Variants in NFKB1 observed in about 807,000 individuals in gnomAD.
The protein encoded by NFKB1 is nuclear factor NF-kappa-B p105 subunit.
In NFKB1, 9 loss-of-function variants were observed where a neutral mutation model predicts 105.1. That is an observed-to-expected ratio of 0.09 (90% CI 0.05 to 0.15). The LOEUF is 0.15. NFKB1 is among the 10% of genes least tolerant of loss of function. The probability of loss-of-function intolerance (pLI) is 1.00; values close to 1 mark genes in which losing one functional copy is unlikely to be tolerated. For synonymous variants in NFKB1, 440 were observed against 442.2 expected (o/e 1.00, Z 0.06); for missense variants, 830 against 1,203.7 (o/e 0.69, Z 4.59).
At chr4:102,533,729 AT>A (rs1741452314) in intron 3 of NFKB1, 115 bp from the exon 4 acceptor site, 2 of 843,042 alleles carry the variant, frequency 2.4e-6, no homozygotes. Flanking sequence ...CCAAAAATTG[AT>A]TTGAAATTTC....
intron 11 of NFKB1, among the ~76,000 whole-genome samples, chr4:102,587,150 G>A (rs919205031): frequency 5.3e-5 from 8 of 152,124 alleles, no homozygotes; most frequent in Admixed American, 3.3e-4. Flanking sequence ...CTGCCAGCTC[G>A]GCCTTCCGAG....
At chr4:102,607,896 A>T in intron 19 of NFKB1, 145 bp downstream of exon 19, 1 of 701,590 alleles carries the variant, frequency 1.4e-6, no homozygotes, top group Non-Finnish European at 2.5e-6. Context: ...GGCAAATCAC[A>T]TTTTATCTGC....
At chr4:102,579,125 G>T in intron 8 of NFKB1, 86 bp downstream of exon 8, 2 of 1,384,438 alleles carry the variant, frequency 1.4e-6, no homozygotes, top group Non-Finnish European at 9.9e-7. Flanking sequence ...GAGTCCTGGG[G>T]AAGGTAACTT....
At chr4:102,596,054 C>G in intron 13 of NFKB1, 84 bp from the exon 14 acceptor site, 1 of 889,012 alleles carries the variant, frequency 1.1e-6, no homozygotes, top group Non-Finnish European at 1.6e-6. Flanking sequence ...TGTCTCTTAC[C>G]TTTATCTGAC....
chr4:102,511,551 C>T (rs1018631943), intron 1 of NFKB1, among the ~76,000 whole-genome samples: 1 of 152,116 alleles, frequency 6.6e-6, no homozygotes, highest in Non-Finnish European at 1.5e-5. Context: ...TGGCACATGC[C>T]TGTGGTCCCA....
At chr4:102,563,745 T>G (rs1723621599) in intron 5 of NFKB1, among the ~76,000 whole-genome samples, 1 of 152,004 alleles carries the variant, frequency 6.6e-6, no homozygotes, top group Non-Finnish European at 1.5e-5. Flanking sequence ...GTCCATGCTC[T>G]TACAGTGTCC....
Position 102,593,413 on chromosome 4 carries a change from C to T in NFKB1, c.1067-12C>T. The T allele has an allele frequency of 6.2e-7, 1 of 1,604,208 alleles. No individual in the cohort carries two copies. On this transcript the variant is annotated splice_polypyrimidine_tract_variant and intron_variant, in intron 11 of 23. Coordinates refer to ENST00000226574, the MANE Select transcript of NFKB1 (RefSeq NM_003998.4). The stretch of plus-strand genomic sequence containing the variant: ...ATCTTTTCTCCTCTGGTTTCTCTTC[C>T]TTTAAATACAGATAAAGAAGAAGTG...
rs1233818072 is a variant in NFKB1 at position 102,576,949 on chromosome 4, G to A, written c.481G>A (p.Ala161Thr). The change falls in exon 7 of 24, where the codon GCG (alanine) becomes ACG (threonine). Residue 161 changes from alanine to threonine, a missense_variant. By Grantham distance (58) the Ala-to-Thr change is moderately conservative (BLOSUM62 0). Around this residue, in one of 8 missense-constraint regions of NFKB1, gnomAD observed 80 missense variants for 122.6 expected, o/e 0.65. Coordinates refer to ENST00000226574, the MANE Select transcript of NFKB1 (RefSeq NM_003998.4). ...FETLEARMTE[A>T]CIRGYNPGLL... ...AACACTGGAAGCACGAATGACAGAG[G>A]CGTGTATAAGGGGCTATAATCCTGG... 3 of 1,613,802 alleles carry A rather than the reference G, an allele frequency of 1.9e-6. No individual in the cohort carries two copies. Among genetic ancestry groups the A allele is most frequent in the Admixed American group, 1.7e-5 (1 of 59,988 alleles).
intron 17 of NFKB1, 124 bp downstream of exon 17, chr4:102,606,821 A>G (rs1727792166): frequency 2.9e-6 from 3 of 1,045,820 alleles, no homozygotes; most frequent in Non-Finnish European, 4.2e-6. Context: ...CCTGGAGTTC[A>G]TCATCTCTTT....
chr4:102,597,713 G>C (rs772450410), intron 15 of NFKB1, 52 bp downstream of exon 15: 1 of 1,580,030 alleles, frequency 6.3e-7, no homozygotes, highest in African/African-American at 1.3e-5. Flanking sequence ...AAGAAGAAGA[G>C]CATCGTATAA....
At chr4:102,554,356 G>GA (rs555553900) in intron 5 of NFKB1, among the ~76,000 whole-genome samples, 1 of 152,108 alleles carries the variant, frequency 6.6e-6, no homozygotes, top group African/African-American at 2.4e-5. Flanking sequence ...CCACATTTGG[G>GA]AAAAGATGTG....
In NFKB1 at chr4:102,515,104, A is replaced by ATTTTTTTTT. The variant is rs761237095; in HGVS notation, c.-7-10406_-7-10405insTTTTTTTTT. Reference sequence around the variant, plus strand: ...AGTTCCATGTAATATTATTATTATTATTATTTTTTTTTTTTTTTTTTTTTG... The same window carrying ATTTTTTTTT: ...AGTTCCATGTAATATTATTATTATTATTTTTTTTTTTATTTTTTTTTTTTTTTTTTTTTG... On this transcript the variant is annotated intron_variant, in intron 1 of 23. Transcript: ENST00000226574. Among the ~76,000 whole-genome samples the ATTTTTTTTT allele has an allele frequency of 1.7e-3, 194 of 113,374 alleles. 8 individuals are homozygous for ATTTTTTTTT. The highest frequency in any genetic ancestry group is 2.6e-3 in the African/African-American group (78 of 29,952). 74.4% of individuals were successfully genotyped at this position (113,374 alleles called of 152,430 possible).
chr4:102,531,516 A>AT (rs1560647103), intron 3 of NFKB1, among the ~76,000 whole-genome samples: 1 of 152,110 alleles, frequency 6.6e-6, no homozygotes, highest in Non-Finnish European at 1.5e-5. Flanking sequence ...AGTCTTCTAG[A>AT]TTTTTTGAAA....
At chr4:102,555,344 T>A (rs1342411211) in intron 5 of NFKB1, among the ~76,000 whole-genome samples, 1 of 152,150 alleles carries the variant, frequency 6.6e-6, no homozygotes, top group Non-Finnish European at 1.5e-5. Context: ...CAAATATTGA[T>A]TAAGTAGGTA....
intron 16 of NFKB1, among the ~76,000 whole-genome samples, chr4:102,606,159 CTT>C (rs1727700742): frequency 1.3e-5 from 2 of 152,164 alleles, no homozygotes; most frequent in Non-Finnish European, 2.9e-5. Context: ...GGATTTGTAA[CTT>C]AGCCTGATTT....
At chr4:102,582,505 A>T (rs1206364117) in intron 9 of NFKB1, among the ~76,000 whole-genome samples, 1 of 152,204 alleles carries the variant, frequency 6.6e-6, no homozygotes, top group East Asian at 1.9e-4. Flanking sequence ...TTTTATGTAC[A>T]TCTATATATT....
chr4:102,515,117 T>A (rs920403517), intron 1 of NFKB1, among the ~76,000 whole-genome samples: 5 of 134,384 alleles, frequency 3.7e-5, no homozygotes, highest in African/African-American at 1.4e-4. Context: ...ATTTTTTTTT[T>A]TTTTTTTTTT....
intron 6 of NFKB1, among the ~76,000 whole-genome samples, chr4:102,570,351 G>A (rs1260245337): frequency 1.3e-5 from 2 of 152,062 alleles, no homozygotes; most frequent in African/African-American, 4.8e-5. Context: ...AAGGACAGTG[G>A]CCTCTAGCTC....
chr4:102,564,742 G>A lies in NFKB1; in HGVS notation c.259-2245G>A, dbSNP rs78325060. On this transcript the variant is annotated intron_variant, in intron 5 of 23. Coordinates refer to ENST00000226574, the MANE Select transcript of NFKB1 (RefSeq NM_003998.4). ...ACATTGAAGAGCCCAGTTATCTGAC[G>A]TGATTGGGCTTTAATTATGGATTCC... Among the ~76,000 whole-genome samples, 1,301 of 152,302 alleles carry A rather than the reference G, an allele frequency of 8.5e-3. 12 individuals carry two copies. Among genetic ancestry groups the A allele is most frequent in the African/African-American group, 0.03 (1,233 of 41,556 alleles).
Sources: gnomAD v4.1 joint callset for allele counts (sites outside exome capture counted in the v4.1 genomes callset) on GRCh38, gnomAD v4.1.1 for gene constraint, gnomAD v4.1.1 regional missense constraint, MANE v1.5 for transcripts, NCBI Gene and HGNC (gene_info 2026-07-23, HGNC 2026-07-21) for gene names.